TRIO: variants seen among roughly 807,000 people sequenced by gnomAD.
The protein encoded by TRIO is triple functional domain protein.
A neutral mutation model predicts 351.9 loss-of-function variants in TRIO; 58 were observed. The ratio of observed to expected loss-of-function variants is 0.16; its 90% CI spans 0.13 to 0.21. TRIO has a LOEUF of 0.21. Among genes scored for constraint, TRIO ranks in the 10% least tolerant of loss-of-function variants. The pLI, the probability that TRIO is intolerant of heterozygous loss-of-function variation, is 1.00. For synonymous variants in TRIO, 1,758 were observed against 1,595.7 expected (o/e 1.10, Z -2.42); for missense variants, 3,201 against 4,027.8 (o/e 0.79, Z 5.56).
At chr5:14,475,495 G>A (rs1348697612) in intron 40 of TRIO, among the ~76,000 whole-genome samples, 1 of 152,258 alleles carries the variant, frequency 6.6e-6, no homozygotes, top group Admixed American at 6.5e-5. Context: ...GTATCAAGTA[G>A]TGTTGTTATT....
intron 1 of TRIO, among the ~76,000 whole-genome samples, chr5:14,177,585 A>G (rs927443418): frequency 3.9e-5 from 6 of 152,192 alleles, no homozygotes; most frequent in African/African-American, 1.4e-4. Flanking sequence ...GAACAACAAC[A>G]ACAAAAAAAG....
intron 48 of TRIO, among the ~76,000 whole-genome samples, chr5:14,491,091 A>G (rs533611140): frequency 1.3e-5 from 2 of 152,076 alleles, no homozygotes; most frequent in Non-Finnish European, 2.9e-5. Flanking sequence ...GTTTTTAAGT[A>G]TGCACCACAG....
At chr5:14,358,679 A>G (rs1300591394) in intron 12 of TRIO, among the ~76,000 whole-genome samples, 4 of 152,250 alleles carry the variant, frequency 2.6e-5, no homozygotes, top group Non-Finnish European at 4.4e-5. Flanking sequence ...TGAGCTTCCA[A>G]GGATTGCGCC....
In TRIO at chr5:14,143,785, G is replaced by T. The variant is rs1371707429; in HGVS notation, c.60G>T (p.Ala20=). 1 of 1,028,260 alleles carries T rather than the reference G, an allele frequency of 9.7e-7. No homozygotes were observed. 63.7% of individuals were successfully genotyped at this position (1,028,260 alleles called of 1,614,324 possible). Residue 20 remains alanine (A), a synonymous_variant, in exon 1 of 57, where the codon GCG becomes GCT. Coordinates refer to ENST00000344204, the MANE Select transcript of TRIO (RefSeq NM_007118.4). ...CCGCGTCCTCCGGCCCCGCCGCGGCGGCCAGCGCGGCTGGCTCGGGCTGCG... is the reference window on the plus strand; with the variant it reads ...CCGCGTCCTCCGGCCCCGCCGCGGCTGCCAGCGCGGCTGGCTCGGGCTGCG... ...APAASSGPAA[A]ASAAGSGCGG...
chr5:14,354,476 G>C (rs1743429859), intron 11 of TRIO, among the ~76,000 whole-genome samples: 1 of 152,182 alleles, frequency 6.6e-6, no homozygotes, highest in Non-Finnish European at 1.5e-5. Flanking sequence ...GCTTGTCACT[G>C]AGTGACCCGG....
intron 38 of TRIO, among the ~76,000 whole-genome samples, chr5:14,471,723 TGTG>T (rs566883686): frequency 1.9e-4 from 29 of 152,180 alleles, no homozygotes; most frequent in Non-Finnish European, 3.8e-4. Context: ...TTCTGCCACA[TGTG>T]GTGAGAAACT....
rs1208331072 is a variant in TRIO, at chr5:14,364,696, C to G, written c.2634C>G (p.Val878=). 4 of 1,613,726 alleles carry G rather than the reference C, an allele frequency of 2.5e-6. No individual in the cohort carries two copies. Among genetic ancestry groups the G allele is most frequent in the East Asian group, 2.2e-5 (1 of 44,896 alleles). ...CDRDVDMATR[V]QDLLEFLHEK... Reference sequence around the variant, plus strand: ...GAGATGTAGACATGGCAACTCGGGTCCAGGACCTGCTGGAGTTTCTTCATG... The same window carrying G: ...GAGATGTAGACATGGCAACTCGGGTGCAGGACCTGCTGGAGTTTCTTCATG... The change falls in exon 15 of 57, where the codon GTC becomes GTG. Residue 878 remains valine, a synonymous_variant. Transcript: ENST00000344204.
intron 11 of TRIO, among the ~76,000 whole-genome samples, chr5:14,348,973 C>T (rs1579392551): frequency 7.5e-6 from 1 of 133,212 alleles, no homozygotes; most frequent in East Asian, 2.4e-4. Flanking sequence ...TGTGTTTTTC[C>T]TGTGTGTATA....
In TRIO at chr5:14,487,652, C is replaced by T; in HGVS notation, c.7024C>T (p.Pro2342Ser). The T allele has an allele frequency of 7.5e-7, 1 of 1,334,480 alleles. No individual in the cohort carries two copies. Among genetic ancestry groups the T allele is most frequent in the Non-Finnish European group, 9.7e-7 (1 of 1,032,858 alleles). 82.7% of individuals were successfully genotyped at this position (1,334,480 alleles called of 1,614,324 possible). Residue 2342 changes from proline (P) to serine (S), a missense_variant, in exon 48 of 57, where the codon CCC (proline) becomes TCC (serine). By Grantham distance (74) the Pro-to-Ser change is moderately conservative (BLOSUM62 -1). Transcript: ENST00000344204. Reference sequence around the variant, plus strand: ...GAGCAGGAGCCGGCCCTCCCGGATCCCCCAGCCTGTCCGACACCACCCCCC... The same window carrying T: ...GAGCAGGAGCCGGCCCTCCCGGATCTCCCAGCCTGTCCGACACCACCCCCC... Reference protein sequence around the residue: ...STSRSRPSRIPQPVRHHPPVL... With the variant: ...STSRSRPSRISQPVRHHPPVL...
Position 14,508,116 on chromosome 5 carries a change from T to C in TRIO, c.8988T>C (p.Ser2996=), listed in dbSNP as rs1757836042. The C allele has an allele frequency of 6.2e-7, 1 of 1,614,048 alleles. No individual in the cohort carries two copies. ...LSGVSPFLDD[S]VEETCLNICR... Reference sequence around the variant, plus strand: ...GCGTGTCCCCCTTCCTGGATGACAGTGTGGAAGAGACCTGCCTGAACATTT... The same window carrying C: ...GCGTGTCCCCCTTCCTGGATGACAGCGTGGAAGAGACCTGCCTGAACATTT... The change falls in exon 57 of 57, where the codon AGT becomes AGC. Residue 2996 remains serine (S), a synonymous_variant. Transcript: ENST00000344204.
At chr5:14,261,396 G>A (rs1795335794) in intron 1 of TRIO, among the ~76,000 whole-genome samples, 1 of 152,218 alleles carries the variant, frequency 6.6e-6, no homozygotes, top group Admixed American at 6.5e-5. Context: ...GGCAGCAAAT[G>A]GAGTCACGTG....
intron 1 of TRIO, among the ~76,000 whole-genome samples, chr5:14,200,212 T>TGCCATCCATTATATGCC (rs1791020170): frequency 1.3e-5 from 2 of 152,084 alleles, no homozygotes; most frequent in South Asian, 2.1e-4. Flanking sequence ...CTCCCCTCCC[T>TGCCATCCATTATATGCC]GCCATCCATT....
At chr5:14,394,682 G>T (rs1747411225) in intron 28 of TRIO, among the ~76,000 whole-genome samples, 2 of 152,118 alleles carry the variant, frequency 1.3e-5, no homozygotes, top group African/African-American at 2.4e-5. Context: ...GGCACACCTT[G>T]TCCATACAGA....
intron 5 of TRIO, among the ~76,000 whole-genome samples, chr5:14,291,962 C>T (rs1217141668): frequency 6.6e-6 from 1 of 152,030 alleles, no homozygotes; most frequent in East Asian, 1.9e-4. Context: ...ATGTTTTATT[C>T]TTATGCACCA....
Position 14,488,259 on chromosome 5 carries a change from G to C in TRIO, c.7631G>C (p.Gly2544Ala), listed in dbSNP as rs1356452026. 5 of 1,562,522 alleles carry C rather than the reference G, an allele frequency of 3.2e-6. No homozygotes were observed. The highest frequency in any genetic ancestry group is 2.7e-5 in the African/African-American group (2 of 74,106). ...EQSVQSTQSN[G>A]SESSSSSNIS... ...TCCGTGCAGTCCACCCAGAGCAACG[G>C]GGTAAGCGCGTCGGGGGGCCCGCGC... The change falls in exon 48 of 57, where the codon GGG (glycine) becomes GCG (alanine). Residue 2544 changes from glycine to alanine, a missense_variant and splice_region_variant. By Grantham distance (60) the Gly-to-Ala change is moderately conservative. Transcript: ENST00000344204.
rs373177791 is a variant in TRIO at position 14,322,196 on chromosome 5, T to A, written c.1731+5453T>A. Among the ~76,000 whole-genome samples the A allele has an allele frequency of 9.2e-5, 14 of 152,194 alleles. No homozygotes were observed. In the South Asian group the frequency reaches 2.9e-3, roughly 32 times the overall value. Reference sequence around the variant, plus strand: ...ATTTGTTGAATGACTGAATGAGTAGTTGAAGGAATTTAAGGAATTCCCCAA... The same window carrying A: ...ATTTGTTGAATGACTGAATGAGTAGATGAAGGAATTTAAGGAATTCCCCAA... On this transcript the variant is annotated intron_variant, in intron 9 of 56. Coordinates refer to ENST00000344204, the MANE Select transcript of TRIO (RefSeq NM_007118.4).
intron 41 of TRIO, among the ~76,000 whole-genome samples, 193 bp from the exon 42 acceptor site, chr5:14,479,068 G>T (rs1755320711): frequency 6.6e-6 from 1 of 152,162 alleles, no homozygotes; most frequent in South Asian, 2.1e-4. Flanking sequence ...ATGGGGGAAG[G>T]ACTGGTTTTG....
intron 21 of TRIO, among the ~76,000 whole-genome samples, chr5:14,383,409 A>C (rs1355500416): frequency 1.3e-5 from 2 of 152,214 alleles, no homozygotes; most frequent in Admixed American, 1.3e-4. Flanking sequence ...TGTGATGTAC[A>C]CATGACTATT....
At position 14,291,015 on chromosome 5, in the gene TRIO, G is replaced by A. The variant is rs912625645; in HGVS notation, c.840G>A (p.Gln280=). 6.2e-7 allele frequency: 1 copy of A among 1,614,116 alleles called. No homozygotes were observed. The highest frequency in any genetic ancestry group is 1.3e-5 in the African/African-American group (1 of 74,936). The part of the protein sequence containing the change: ...APIEDLDLEG[Q]KLLQRIQSSE... ...TCGAGGACCTGGATTTGGAGGGACA[G>A]AAGCTGCTTCAGAGGATACAGAGCA... Residue 280 remains glutamine (Q), a synonymous_variant, in exon 5 of 57, where the codon CAG becomes CAA. Coordinates refer to ENST00000344204, the MANE Select transcript of TRIO (RefSeq NM_007118.4).
Sources: allele counts gnomAD v4.1 joint callset (sites outside exome capture counted in the v4.1 genomes callset), GRCh38; gene constraint gnomAD v4.1.1; transcripts MANE v1.5; gene names NCBI Gene and HGNC (gene_info 2026-07-23, HGNC 2026-07-21).